The following MED14 variants were observed in gnomAD, a reference collection of about 807,000 sequenced individuals.
MED14 encodes mediator complex subunit 14, also known as mediator of RNA polymerase II transcription subunit 14.
Under a neutral mutation model 109.0 loss-of-function variants are expected in MED14, and 8 were observed. That is an observed-to-expected ratio of 0.07 (90% CI 0.04 to 0.13). The LOEUF (loss-of-function observed/expected upper bound fraction) is 0.13. Among genes scored for constraint, MED14 ranks in the 10% least tolerant of loss-of-function variants. The probability of loss-of-function intolerance (pLI) is 1.00; values close to 1 mark genes in which losing one functional copy is unlikely to be tolerated. For missense variants in MED14, 711 were observed against 1,142.4 expected (o/e 0.62, Z 5.44); for synonymous variants, 399 against 408.7 (o/e 0.98, Z 0.29).
intron 24 of MED14, among the ~76,000 whole-genome samples, chrX:40,665,984 G>A (rs780193556): frequency 8.9e-6 from 1 of 112,209 alleles, no homozygotes; most frequent in African/African-American, 3.2e-5. Context: ...TTTAATGACG[G>A]AAATGTTCCC....
intron 18 of MED14, among the ~76,000 whole-genome samples, chrX:40,682,159 G>A (rs1440330932): frequency 3.6e-5 from 4 of 111,409 alleles, no homozygotes; most frequent in African/African-American, 6.5e-5. Context: ...AAGCAGTCTA[G>A]CATAGTGGTT....
Position 40,664,440 on chromosome X carries a change from T to C in MED14, c.3315A>G (p.Arg1105=). 1 of 1,184,120 alleles carries C rather than the reference T, an allele frequency of 8.4e-7. No individual in the cohort carries two copies. Residue 1105 remains arginine (R), a synonymous_variant, in exon 25 of 31, where the codon CGA becomes CGG. Coordinates refer to ENST00000324817, the MANE Select transcript of MED14 (RefSeq NM_004229.4). ...SPYTMVSPSG[R]AGNWPGSPQV... ...GAGGAGATCCTGGCCAGTTCCCTGC[T>C]CGTCCACTTGGTGACACCATAGTGT... is the stretch of plus-strand genomic sequence containing the variant.
intron 10 of MED14, among the ~76,000 whole-genome samples, 167 bp downstream of exon 10, chrX:40,709,181 G>A (rs903197421): frequency 3.6e-5 from 4 of 111,797 alleles, no homozygotes; most frequent in African/African-American, 1.3e-4. Flanking sequence ...TAAGTAACAA[G>A]GGAAAAATTA....
intron 30 of MED14, 130 bp from the exon 31 acceptor site, chrX:40,652,009 C>T (rs942072991): frequency 3.6e-5 from 23 of 646,747 alleles, no homozygotes; most frequent in Non-Finnish European, 4.3e-5. Context: ...ACAATTTTAA[C>T]TGCCCAGATT....
intron 24 of MED14, among the ~76,000 whole-genome samples, chrX:40,665,982 C>A (rs909417308): frequency 8.9e-6 from 1 of 112,016 alleles, no homozygotes; most frequent in Non-Finnish European, 1.9e-5. Flanking sequence ...TTTTTAATGA[C>A]GGAAATGTTC....
intron 23 of MED14, among the ~76,000 whole-genome samples, chrX:40,668,639 C>A (rs1251837976): frequency 9.0e-6 from 1 of 111,556 alleles, no homozygotes; most frequent in Non-Finnish European, 1.9e-5. Context: ...ATAGCAGTCC[C>A]CGCCTTATCC....
intron 3 of MED14, among the ~76,000 whole-genome samples, chrX:40,725,464 T>G (rs974412701): frequency 2.7e-5 from 3 of 111,583 alleles, no homozygotes; most frequent in African/African-American, 9.8e-5. Flanking sequence ...GAACAAAACA[T>G]TAAAAAGATC....
chrX:40,681,126 A>C (rs1446325609), intron 19 of MED14, among the ~76,000 whole-genome samples: 2 of 112,636 alleles, frequency 1.8e-5, no homozygotes, highest in Non-Finnish European at 3.8e-5. Context: ...CTTTTACTAA[A>C]TAAAACAGAA....
chrX:40,686,537 T>C (rs1445035338), intron 16 of MED14, among the ~76,000 whole-genome samples: 13 of 111,681 alleles, frequency 1.2e-4, no homozygotes, highest in Non-Finnish European at 7.5e-5. Flanking sequence ...AACGTTTTTG[T>C]GGAAATGTTG....
intron 16 of MED14, among the ~76,000 whole-genome samples, chrX:40,683,760 C>A (rs944492094): frequency 2.0e-4 from 22 of 111,867 alleles, no homozygotes; most frequent in African/African-American, 5.9e-4. Flanking sequence ...CACTTTGCCA[C>A]CTCCTCCTCT....
At chrX:40,697,298 G>C in intron 12 of MED14, 115 bp from the exon 13 acceptor site, 1 of 455,430 alleles carries the variant, frequency 2.2e-6, no homozygotes, top group Non-Finnish European at 3.7e-6. Flanking sequence ...AAATTTAACT[G>C]AACTAATAAA....
chrX:40,723,806 T>C (rs1451767847), intron 3 of MED14, among the ~76,000 whole-genome samples: 1 of 102,832 alleles, frequency 9.7e-6, no homozygotes, highest in African/African-American at 3.6e-5. Flanking sequence ...CACAAAACAA[T>C]GAGAAAACAA....
chrX:40,665,385 C>T (rs185606050), intron 24 of MED14, among the ~76,000 whole-genome samples: 29 of 110,707 alleles, frequency 2.6e-4, no homozygotes, highest in African/African-American at 8.9e-4. Flanking sequence ...ACTAGCCAGG[C>T]GTGGTTGTGC....
chrX:40,674,846 C>T (rs898092497), intron 22 of MED14, among the ~76,000 whole-genome samples: 2 of 112,420 alleles, frequency 1.8e-5, no homozygotes, highest in African/African-American at 6.5e-5. Flanking sequence ...CACCTGTTCT[C>T]TGTAGGAGTC....
intron 15 of MED14, among the ~76,000 whole-genome samples, chrX:40,690,706 T>C (rs5918027): frequency 0.29 from 31,782 of 110,176 alleles, 4,363 homozygotes; most frequent in African/African-American, 0.54. Flanking sequence ...TGAGTCACCG[T>C]GCCCGGCCCA....
chrX:40,695,383 GTTC>G (rs776721396), intron 13 of MED14, among the ~76,000 whole-genome samples: 1 of 112,252 alleles, frequency 8.9e-6, no homozygotes, highest in African/African-American at 3.2e-5. Context: ...ACTTTCCTCT[GTTC>G]TTCTTAATGT....
rs1480443301 is a variant in MED14, at chrX:40,696,970, T to C, written c.1650+54A>G. 4 of 970,647 alleles carry C rather than the reference T, an allele frequency of 4.1e-6. No individual in the cohort carries two copies. The Admixed American group carries it at 7.7e-5, about 19-fold the overall frequency. 80.0% of individuals were successfully genotyped at this position (970,647 alleles called of 1,213,427 possible). On this transcript the variant is annotated intron_variant, in intron 13 of 30. Coordinates refer to ENST00000324817, the MANE Select transcript of MED14 (RefSeq NM_004229.4). ...AAGTTAAACAATAAGTCATTCAAGATACTAACAGAATTACTAAACTTGATC... is the reference window on the plus strand; with the variant it reads ...AAGTTAAACAATAAGTCATTCAAGACACTAACAGAATTACTAAACTTGATC...
rs151121084 is a variant in MED14 at position 40,733,442 on chromosome X, T to A, written c.215+1756A>T. On this transcript the variant is annotated intron_variant, in intron 1 of 30. Coordinates refer to ENST00000324817, the MANE Select transcript of MED14 (RefSeq NM_004229.4). ...TTAATCTCAGTGAGATGGGGAACCA[T>A]CGAAGGGTTCTAAGCAGAGAAATTT... Among the ~76,000 whole-genome samples, 490 of 112,068 alleles carry A rather than the reference T, an allele frequency of 4.4e-3. 1 individual carries two copies. The highest frequency in any genetic ancestry group is 6.9e-3 in the Non-Finnish European group (367 of 53,204).
intron 20 of MED14, 130 bp from the exon 21 acceptor site, chrX:40,680,263 G>A: frequency 3.0e-6 from 2 of 658,650 alleles, no homozygotes; most frequent in Non-Finnish European, 4.5e-6. Flanking sequence ...TCCCCTTGAA[G>A]AGAATGCAAA....
Sources: allele counts gnomAD v4.1 joint callset (sites outside exome capture counted in the v4.1 genomes callset), GRCh38; gene constraint gnomAD v4.1.1; transcripts MANE v1.5; gene names NCBI Gene and HGNC (gene_info 2026-07-23, HGNC 2026-07-21).